The following GRIN2A variants were observed in gnomAD, a reference collection of about 807,000 sequenced individuals.
GRIN2A encodes the protein glutamate ionotropic receptor NMDA type subunit 2A.
GRIN2A carries 22 observed loss-of-function variants against 113.4 expected under a neutral mutation model. The ratio of observed to expected loss-of-function variants is 0.19; its 90% CI spans 0.14 to 0.28. The LOEUF (loss-of-function observed/expected upper bound fraction) is 0.28. Ranked by LOEUF, GRIN2A falls within the 10% of genes least tolerant of loss-of-function variation. The probability of loss-of-function intolerance (pLI) is 1.00; values close to 1 mark genes in which losing one functional copy is unlikely to be tolerated. For synonymous variants in GRIN2A, 827 were observed against 738.4 expected, an observed-to-expected ratio of 1.12 and a Z score of -1.94; for missense variants, 1,502 against 1,887.0, an observed-to-expected ratio of 0.80 and a Z score of 3.78.
chr16:10,049,432 C>T (rs2047317349), intron 2 of GRIN2A, among the ~76,000 whole-genome samples: 1 of 151,766 alleles, frequency 6.6e-6, no homozygotes, highest in African/African-American at 2.4e-5. Flanking sequence ...GGTTGGAGTG[C>T]AGTGGTGCGA....
In GRIN2A at chr16:9,920,319, T is replaced by A. The variant is rs371723280; in HGVS notation, c.1007+17640A>T. 3.9e-5 allele frequency among the ~76,000 whole-genome samples: 6 copies of A among 152,224 alleles called. No homozygotes were observed. The East Asian group carries it at 9.7e-4, about 25-fold the overall frequency. On this transcript the variant is annotated intron_variant, in intron 3 of 12. Coordinates refer to ENST00000330684, the MANE Select transcript of GRIN2A (RefSeq NM_001134407.3). ...TGGGTAACAGATGCCAGGGGACTGT[T>A]TTTATTCTGTGTGTTTTGTTTTGTT...
chr16:9,956,493 G>A (rs2045313663), intron 2 of GRIN2A, among the ~76,000 whole-genome samples: 1 of 152,096 alleles, frequency 6.6e-6, no homozygotes, highest in Admixed American at 6.5e-5. Context: ...TGAGCCAGAT[G>A]TCAATTATCA....
chr16:10,162,002 T>G (rs1020947060), intron 2 of GRIN2A, among the ~76,000 whole-genome samples: 1 of 152,180 alleles, frequency 6.6e-6, no homozygotes, highest in Non-Finnish European at 1.5e-5. Flanking sequence ...GCAAAGTCCC[T>G]TTAGCCATAT....
At chr16:9,959,979 A>C (rs113944476) in intron 2 of GRIN2A, among the ~76,000 whole-genome samples, 2,480 of 152,336 alleles carry the variant, frequency 0.016, 68 homozygotes, top group African/African-American at 0.057. Flanking sequence ...TCTCAAAAAA[A>C]CAAACAAAAA....
At chr16:10,065,850 G>A (rs575295309) in intron 2 of GRIN2A, among the ~76,000 whole-genome samples, 14 of 152,148 alleles carry the variant, frequency 9.2e-5, no homozygotes, top group East Asian at 1.9e-4. Flanking sequence ...ACATTGGGAG[G>A]GGGGGCGCTT....
chr16:9,872,855 C>A (rs914301569), intron 4 of GRIN2A, among the ~76,000 whole-genome samples: 1 of 150,418 alleles, frequency 6.6e-6, no homozygotes, highest in Non-Finnish European at 1.5e-5. Context: ...CATGGCGAAA[C>A]CCTATCTCTA....
At chr16:9,909,882 G>A (rs1367636907) in intron 3 of GRIN2A, among the ~76,000 whole-genome samples, 1 of 152,182 alleles carries the variant, frequency 6.6e-6, no homozygotes, top group Non-Finnish European at 1.5e-5. Context: ...TAGGTAAAAA[G>A]TACTATGTTA....
chr16:9,844,650 T>G (rs912630905), intron 5 of GRIN2A, among the ~76,000 whole-genome samples: 1 of 152,174 alleles, frequency 6.6e-6, no homozygotes, highest in African/African-American at 2.4e-5. Flanking sequence ...CCGGTGGATG[T>G]GAGCACAGCC....
chr16:9,788,806 G>A (rs1358584605), intron 11 of GRIN2A, among the ~76,000 whole-genome samples: 7 of 147,178 alleles, frequency 4.8e-5, no homozygotes, highest in Non-Finnish European at 8.9e-5. Flanking sequence ...GCAGTGGCGC[G>A]AACTCGACTC....
rs564175483 is a variant in GRIN2A, at chr16:9,783,181, C to T, written c.2357-14092G>A. On this transcript the variant is annotated intron_variant, in intron 11 of 12. Transcript: ENST00000330684. ...TGTACATGCAAAAGTCACCCACATACGTGGGAGCAATAATGAAATCCACAT... is the reference window on the plus strand; with the variant it reads ...TGTACATGCAAAAGTCACCCACATATGTGGGAGCAATAATGAAATCCACAT... 1.2e-4 allele frequency among the ~76,000 whole-genome samples: 19 copies of T among 152,256 alleles called. 1 individual carries two copies. In the East Asian group the frequency reaches 2.5e-3, roughly 20 times the overall value.
chr16:10,075,554 A>C (rs943948804), intron 2 of GRIN2A, among the ~76,000 whole-genome samples: 1 of 152,182 alleles, frequency 6.6e-6, no homozygotes, highest in Non-Finnish European at 1.5e-5. Flanking sequence ...AATGTACTTA[A>C]CGCCACTGAA....
At position 10,067,847 on chromosome 16, in the gene GRIN2A, C is replaced by T. The variant is rs117120149; in HGVS notation, c.414+112151G>A. On this transcript the variant is annotated intron_variant, in intron 2 of 12. Transcript: ENST00000330684. Reference sequence around the variant, plus strand: ...GGTAGAGGCTACATGTCCTGCAATGCGTATTATATCCACCCCCTCCACCCC... The same window carrying T: ...GGTAGAGGCTACATGTCCTGCAATGTGTATTATATCCACCCCCTCCACCCC... 1.6e-4 allele frequency among the ~76,000 whole-genome samples: 24 copies of T among 152,208 alleles called. No homozygotes were observed. The East Asian group carries it at 3.9e-3, about 25-fold the overall frequency.
chr16:10,049,133 C>T (rs1374022436), intron 2 of GRIN2A, among the ~76,000 whole-genome samples: 1 of 152,068 alleles, frequency 6.6e-6, no homozygotes. Flanking sequence ...ATCAGAGTTC[C>T]GCTTGGCAAA....
At chr16:10,039,813 A>AAGAGAG (rs142696536) in intron 2 of GRIN2A, among the ~76,000 whole-genome samples, 8 of 73,582 alleles carry the variant, frequency 1.1e-4, no homozygotes, top group Non-Finnish European at 1.8e-4. Flanking sequence ...GGGGGGGAGA[A>AAGAGAG]AGAGAGAGAG....
intron 2 of GRIN2A, among the ~76,000 whole-genome samples, chr16:10,065,360 C>T (rs918780802): frequency 6.6e-5 from 10 of 152,324 alleles, no homozygotes; most frequent in South Asian, 2.1e-4. Context: ...CATTCTATTT[C>T]GGCCTCCTTG....
At chr16:9,902,145 T>C (rs1243367564) in intron 3 of GRIN2A, among the ~76,000 whole-genome samples, 1 of 150,620 alleles carries the variant, frequency 6.6e-6, no homozygotes, top group Non-Finnish European at 1.5e-5. Context: ...ACAGAAATTC[T>C]ATTTTTAGAG....
intron 2 of GRIN2A, among the ~76,000 whole-genome samples, chr16:10,087,486 G>C (rs2048106252): frequency 6.6e-6 from 1 of 152,302 alleles, no homozygotes; most frequent in South Asian, 2.1e-4. Flanking sequence ...CCCTCCGTCA[G>C]TCTGACTCTT....
intron 2 of GRIN2A, among the ~76,000 whole-genome samples, chr16:9,940,042 A>AAGCGAG (rs2044828634): frequency 2.1e-5 from 3 of 139,680 alleles, no homozygotes; most frequent in Admixed American, 7.1e-5. Context: ...GAGAGAGAGA[A>AAGCGAG]AGAGAGAGAG....
intron 2 of GRIN2A, among the ~76,000 whole-genome samples, chr16:10,115,620 A>G (rs1333168904): frequency 1.3e-5 from 2 of 152,250 alleles, no homozygotes; most frequent in African/African-American, 4.8e-5. Context: ...CCTGAATTTT[A>G]TAATTCTGCA....
Sources: gnomAD v4.1 joint callset for allele counts (sites outside exome capture counted in the v4.1 genomes callset) on GRCh38, gnomAD v4.1.1 for gene constraint, MANE v1.5 for transcripts, NCBI Gene and HGNC (gene_info 2026-07-23, HGNC 2026-07-21) for gene names.